The following STK4 variants were observed in gnomAD, a reference collection of about 807,000 sequenced individuals.
STK4 encodes serine/threonine kinase 4.
A neutral mutation model predicts 64.9 loss-of-function variants in STK4; 30 were observed. The observed-to-expected ratio is 0.46, with a 90% CI of 0.35 to 0.63. STK4 has a LOEUF of 0.63. STK4 is among the 20% of genes least tolerant of loss of function. The pLI, the probability that STK4 is intolerant of heterozygous loss-of-function variation, is 0.01. For synonymous variants in STK4, 177 were observed against 199.0 expected (o/e 0.89, Z 0.93); for missense variants, 466 against 598.5 (o/e 0.78, Z 2.31).
intron 1 of STK4, among the ~76,000 whole-genome samples, chr20:44,969,068 C>A (rs1294173759): frequency 6.6e-6 from 1 of 152,110 alleles, no homozygotes; most frequent in Non-Finnish European, 1.5e-5. Flanking sequence ...TCCTAATCTC[C>A]TCTTATAAGG....
chr20:45,054,963 A>G (rs151251339), intron 10 of STK4, among the ~76,000 whole-genome samples: 8 of 152,192 alleles, frequency 5.3e-5, no homozygotes, highest in African/African-American at 1.9e-4. Flanking sequence ...TCTTCTCTCC[A>G]TAGGACTACC....
rs1183782181 is a variant in STK4 at position 45,079,179 on chromosome 20, G to A, written c.*4003G>A. 6.6e-6 allele frequency: 1 copy of A among 152,036 alleles called. No homozygotes were observed. Among genetic ancestry groups the A allele is most frequent in the African/African-American group, 2.4e-5 (1 of 41,370 alleles). The allele number at this position is 152,036 out of a possible 1,614,324, so 9.4% of individuals were successfully genotyped here. A position where few individuals can be genotyped will look rare whatever the true frequency, so the allele number is the denominator to read the frequency against. ...TGCAGTGAGCCATGGTCTCACCACT[G>A]CACTCTAGCCTGGGTGACAGAATGA... On this transcript the variant is annotated 3_prime_UTR_variant, in exon 11 of 11. Transcript: ENST00000372806.
At chr20:45,069,495 C>T (rs951677537) in intron 10 of STK4, among the ~76,000 whole-genome samples, 8 of 152,224 alleles carry the variant, frequency 5.3e-5, no homozygotes, top group African/African-American at 1.7e-4. Context: ...TTAGAGATAA[C>T]TTAGCCAGGA....
intron 10 of STK4, among the ~76,000 whole-genome samples, chr20:45,054,213 A>G (rs1978315446): frequency 6.6e-6 from 1 of 152,116 alleles, no homozygotes; most frequent in South Asian, 2.1e-4. Flanking sequence ...TAGCTGAGAA[A>G]ATGAGTGTGA....
intron 9 of STK4, among the ~76,000 whole-genome samples, chr20:45,010,925 A>G (rs1255549883): frequency 1.3e-5 from 2 of 152,188 alleles, no homozygotes; most frequent in African/African-American, 4.8e-5. Context: ...TTTTGGATGT[A>G]TGTATCTGAA....
At chr20:45,037,803 C>T (rs1280976078) in intron 10 of STK4, among the ~76,000 whole-genome samples, 1 of 152,102 alleles carries the variant, frequency 6.6e-6, no homozygotes, top group Non-Finnish European at 1.5e-5. Context: ...GTCAGTTACT[C>T]ATTTATTATT....
chr20:45,037,665 A>G (rs2068548966), intron 10 of STK4, among the ~76,000 whole-genome samples: 1 of 152,176 alleles, frequency 6.6e-6, no homozygotes, highest in Non-Finnish European at 1.5e-5. Context: ...CAGGAGGCCG[A>G]TAACAACCTA....
intron 9 of STK4, among the ~76,000 whole-genome samples, chr20:45,018,586 G>C (rs186956338): frequency 1.4e-3 from 214 of 152,170 alleles, no homozygotes; most frequent in Non-Finnish European, 2.4e-3. Context: ...AAAAAATTGA[G>C]TTACTGACAT....
At chr20:45,021,084 G>A (rs2068239592) in intron 9 of STK4, among the ~76,000 whole-genome samples, 1 of 152,088 alleles carries the variant, frequency 6.6e-6, no homozygotes, top group Non-Finnish European at 1.5e-5. Context: ...CCTCCAAAGT[G>A]GTGGGATTAC....
At chr20:44,986,019 A>G (rs1015630964) in intron 4 of STK4, among the ~76,000 whole-genome samples, 6 of 152,220 alleles carry the variant, frequency 3.9e-5, no homozygotes, top group Admixed American at 3.3e-4. Context: ...CAGATATTCT[A>G]TACTAGTTTC....
chr20:44,997,785 A>G (rs1341058381), intron 7 of STK4, among the ~76,000 whole-genome samples: 2 of 152,244 alleles, frequency 1.3e-5, no homozygotes, highest in African/African-American at 4.8e-5. Context: ...AAATCATTGA[A>G]CAAGACAATA....
intron 10 of STK4, chr20:45,053,043 T>A: frequency 1.4e-6 from 2 of 1,458,380 alleles, no homozygotes; most frequent in Non-Finnish European, 1.9e-6. Context: ...TGAATTTATT[T>A]GTGCTTTGGA....
chr20:44,972,010 A>T (rs1379213450), intron 1 of STK4, 68 bp from the exon 2 acceptor site: 5 of 1,442,716 alleles, frequency 3.5e-6, no homozygotes, highest in East Asian at 4.6e-5. Flanking sequence ...TATAAAAAAA[A>T]GATATATTTT....
At chr20:45,012,268 T>C (rs2068064599) in intron 9 of STK4, among the ~76,000 whole-genome samples, 1 of 152,096 alleles carries the variant, frequency 6.6e-6, no homozygotes, top group Non-Finnish European at 1.5e-5. Flanking sequence ...TCTCCTGACC[T>C]CGTGATCCGT....
At chr20:45,010,681 A>G (rs2068029322) in intron 9 of STK4, among the ~76,000 whole-genome samples, 1 of 152,178 alleles carries the variant, frequency 6.6e-6, no homozygotes, top group African/African-American at 2.4e-5. Context: ...ATTAGATTAT[A>G]CTACTTCTAG....
chr20:45,034,962 T>C (rs2068504323), intron 10 of STK4, among the ~76,000 whole-genome samples: 1 of 151,902 alleles, frequency 6.6e-6, no homozygotes, highest in Admixed American at 6.6e-5. Context: ...AGAGTAGGAT[T>C]AAGAAACATA....
intron 9 of STK4, among the ~76,000 whole-genome samples, chr20:45,004,104 C>CT (rs1324016104): frequency 6.2e-5 from 9 of 145,912 alleles, no homozygotes; most frequent in East Asian, 2.1e-4. Flanking sequence ...CCAGTTTTTT[C>CT]TTTTTTTTTG....
At chr20:44,992,738 A>G (rs1354554372) in intron 5 of STK4, among the ~76,000 whole-genome samples, 1 of 151,694 alleles carries the variant, frequency 6.6e-6, no homozygotes, top group Non-Finnish European at 1.5e-5. Flanking sequence ...TCTGTCACCT[A>G]GGCTAGAGGA....
intron 9 of STK4, among the ~76,000 whole-genome samples, chr20:45,017,743 C>CT (rs973638396): frequency 1.3e-5 from 2 of 152,118 alleles, no homozygotes; most frequent in African/African-American, 4.8e-5. Flanking sequence ...CATTTTTTAT[C>CT]TTTTTAGATG....
Sources: allele counts gnomAD v4.1 joint callset (sites outside exome capture counted in the v4.1 genomes callset), GRCh38; gene constraint gnomAD v4.1.1; transcripts MANE v1.5; gene names NCBI Gene and HGNC (gene_info 2026-07-23, HGNC 2026-07-21).